Variants in PAX5 observed in about 807,000 individuals in gnomAD.
The protein encoded by PAX5 is paired box protein Pax-5.
In PAX5, 9 loss-of-function variants were observed where a neutral mutation model predicts 43.7. The observed-to-expected ratio is 0.21, with a 90% CI of 0.12 to 0.36. The LOEUF (loss-of-function observed/expected upper bound fraction) is 0.36, where lower values mean the gene tolerates loss of function less well. Ranked by LOEUF, PAX5 falls within the 10% of genes least tolerant of loss-of-function variation. PAX5 has a pLI of 1.00. For missense variants in PAX5, 383 were observed against 532.7 expected (o/e 0.72, Z 2.77); for synonymous variants, 228 against 214.3 (o/e 1.06, Z -0.56).
chr9:36,922,484 C>T (rs761983722), intron 7 of PAX5, among the ~76,000 whole-genome samples: 4 of 152,172 alleles, frequency 2.6e-5, no homozygotes, highest in Non-Finnish European at 4.4e-5. Context: ...GTCGGCTCCA[C>T]GTTACCCCAG....
At chr9:36,868,724 T>A (rs1454211969) in intron 8 of PAX5, among the ~76,000 whole-genome samples, 1 of 152,068 alleles carries the variant, frequency 6.6e-6, no homozygotes, top group Non-Finnish European at 1.5e-5. Flanking sequence ...TCAGTCTCCA[T>A]GGACACCGGA....
intron 6 of PAX5, among the ~76,000 whole-genome samples, chr9:36,961,472 G>A (rs1182187042): frequency 6.6e-6 from 1 of 152,252 alleles, no homozygotes; most frequent in East Asian, 1.9e-4. Flanking sequence ...TGGCAGCAAT[G>A]GGATGGATAA....
chr9:36,934,468 G>GT (rs1831384716), intron 6 of PAX5, among the ~76,000 whole-genome samples: 1 of 152,230 alleles, frequency 6.6e-6, no homozygotes, highest in South Asian at 2.1e-4. Flanking sequence ...TTTACAAGAT[G>GT]TTTTTGTGGA....
At chr9:36,915,142 C>T (rs1487682079) in intron 7 of PAX5, among the ~76,000 whole-genome samples, 3 of 152,132 alleles carry the variant, frequency 2.0e-5, no homozygotes, top group Non-Finnish European at 4.4e-5. Context: ...CATTGTGCAT[C>T]TATGTGAATA....
chr9:36,990,892 T>C (rs1836875299), intron 5 of PAX5, among the ~76,000 whole-genome samples: 1 of 152,178 alleles, frequency 6.6e-6, no homozygotes, highest in South Asian at 2.1e-4. Flanking sequence ...GGTGGATTGC[T>C]TGAGCTCATG....
rs536187885 is a variant in PAX5, at chr9:36,836,087, C to T, written c.*4473G>A. 2.4e-4 allele frequency: 55 copies of T among 233,534 alleles called. 1 individual carries two copies. The South Asian group carries it at 9.4e-3, about 40-fold the overall frequency. 14.5% of individuals were successfully genotyped at this position (233,534 alleles called of 1,614,324 possible). On this transcript the variant is annotated 3_prime_UTR_variant, in exon 10 of 10. Transcript: ENST00000358127. ...TGGCTGCCAAGGCTGGGCAGTCGTT[C>T]TGGAGCGTGACTTCTGGTAAATGGA... is the stretch of plus-strand genomic sequence containing the variant.
At chr9:36,876,863 T>C (rs1825954666) in intron 8 of PAX5, among the ~76,000 whole-genome samples, 1 of 152,232 alleles carries the variant, frequency 6.6e-6, no homozygotes, top group African/African-American at 2.4e-5. Flanking sequence ...ACAACTCTGA[T>C]GATGGAATCA....
chr9:36,939,474 G>T (rs570157964), intron 6 of PAX5, among the ~76,000 whole-genome samples: 2 of 152,220 alleles, frequency 1.3e-5, no homozygotes, highest in Admixed American at 1.3e-4. Context: ...TCTCTTTCCA[G>T]CCTCCTAAAG....
chr9:36,885,888 A>G (rs1360416111), intron 7 of PAX5, among the ~76,000 whole-genome samples: 1 of 152,186 alleles, frequency 6.6e-6, no homozygotes, highest in Admixed American at 6.5e-5. Flanking sequence ...CAGTTTTATG[A>G]AAAAACAAAA....
intron 6 of PAX5, among the ~76,000 whole-genome samples, chr9:36,935,511 C>A (rs1229609029): frequency 2.0e-5 from 3 of 152,208 alleles, no homozygotes; most frequent in Non-Finnish European, 2.9e-5. Flanking sequence ...CTCAGGCACA[C>A]CCCCAGACAG....
intron 3 of PAX5, among the ~76,000 whole-genome samples, chr9:37,011,462 C>A (rs944067): frequency 2.0e-5 from 3 of 151,942 alleles, no homozygotes; most frequent in Non-Finnish European, 2.9e-5. Flanking sequence ...TTGTACTCCC[C>A]ACCCCTTGGC....
chr9:36,873,654 G>T (rs999891984), intron 8 of PAX5, among the ~76,000 whole-genome samples: 2 of 152,180 alleles, frequency 1.3e-5, no homozygotes, highest in Non-Finnish European at 2.9e-5. Context: ...CTGAGCAAAC[G>T]CTCCCTGAGC....
intron 6 of PAX5, among the ~76,000 whole-genome samples, chr9:36,958,707 T>C (rs1210767698): frequency 6.7e-6 from 1 of 148,664 alleles, no homozygotes; most frequent in African/African-American, 2.4e-5. Context: ...GATCCTGATA[T>C]TCCCTGATTT....
chr9:36,878,432 C>T (rs1314922517), intron 8 of PAX5, among the ~76,000 whole-genome samples: 2 of 152,190 alleles, frequency 1.3e-5, no homozygotes, highest in Admixed American at 6.5e-5. Context: ...CATCTTCCCC[C>T]AGAGGGGGGG....
intron 5 of PAX5, among the ~76,000 whole-genome samples, chr9:36,992,808 TG>T: frequency 1.3e-5 from 2 of 152,354 alleles, no homozygotes; most frequent in East Asian, 3.9e-4. Context: ...GTTCAGACTT[TG>T]CAGCAGCCTG....
At chr9:36,960,396 T>G (rs1271696023) in intron 6 of PAX5, among the ~76,000 whole-genome samples, 2 of 152,046 alleles carry the variant, frequency 1.3e-5, no homozygotes, top group Non-Finnish European at 2.9e-5. Flanking sequence ...CAGCCCAGCC[T>G]GTGTGGGCAG....
At chr9:36,890,132 G>A (rs1185204541) in intron 7 of PAX5, among the ~76,000 whole-genome samples, 1 of 152,112 alleles carries the variant, frequency 6.6e-6, no homozygotes, top group African/African-American at 2.4e-5. Flanking sequence ...TACCCTGACA[G>A]TGTGAAAACC....
At chr9:37,030,519 C>T (rs1232143219) in intron 1 of PAX5, among the ~76,000 whole-genome samples, 1 of 152,258 alleles carries the variant, frequency 6.6e-6, no homozygotes, top group Non-Finnish European at 1.5e-5. Context: ...GGGCCTCACT[C>T]TGATCTACAG....
At chr9:36,890,915 G>A (rs764065711) in intron 7 of PAX5, among the ~76,000 whole-genome samples, 23 of 152,292 alleles carry the variant, frequency 1.5e-4, no homozygotes, top group Non-Finnish European at 1.2e-4. Flanking sequence ...AAGGCAGGAG[G>A]ATCACCTGAG....
Sources: gnomAD v4.1 joint callset for allele counts (sites outside exome capture counted in the v4.1 genomes callset) on GRCh38, gnomAD v4.1.1 for gene constraint, MANE v1.5 for transcripts, NCBI Gene and HGNC (gene_info 2026-07-23, HGNC 2026-07-21) for gene names.